Variants in NBEA observed in about 807,000 individuals in gnomAD.
NBEA encodes lysosomal-trafficking regulator 2.
Under a neutral mutation model 343.4 loss-of-function variants are expected in NBEA, and 44 were observed. The ratio of observed to expected loss-of-function variants is 0.13; its 90% CI spans 0.10 to 0.16. The LOEUF is 0.16. NBEA is among the 10% of genes least tolerant of loss of function. The pLI is 1.00. For missense variants in NBEA, 2,555 were observed against 3,631.3 expected, an observed-to-expected ratio of 0.70 and a Z score of 7.62; for synonymous variants, 1,175 against 1,238.7, an observed-to-expected ratio of 0.95 and a Z score of 1.08.
At position 35,051,839 on chromosome 13, in the gene NBEA, C is replaced by G. The variant is rs2152564182; in HGVS notation, c.972+1444C>G. ...GGATTGTGTGTTTTTAACAAATATTCTAGGTAACTTTTCTCTTCAGACAAT... is the reference window on the plus strand; with the variant it reads ...GGATTGTGTGTTTTTAACAAATATTGTAGGTAACTTTTCTCTTCAGACAAT... On this transcript the variant is annotated intron_variant, in intron 6 of 58. Coordinates refer to ENST00000379939, the MANE Select transcript of NBEA (RefSeq NM_001385012.1). 2.0e-5 allele frequency among the ~76,000 whole-genome samples: 3 copies of G among 152,074 alleles called. No homozygotes were observed. The South Asian group carries it at 6.2e-4, about 32-fold the overall frequency.
At chr13:35,062,718 T>A (rs2063510375) in intron 8 of NBEA, among the ~76,000 whole-genome samples, 1 of 151,924 alleles carries the variant, frequency 6.6e-6, no homozygotes, top group Non-Finnish European at 1.5e-5. Flanking sequence ...AAAAAAAATC[T>A]GTCAACCTAG....
At chr13:35,359,045 A>G (rs557945927) in intron 38 of NBEA, among the ~76,000 whole-genome samples, 3 of 152,312 alleles carry the variant, frequency 2.0e-5, no homozygotes, top group Admixed American at 2.0e-4. Flanking sequence ...CATGAGCCAG[A>G]TGATTTAAAG....
chr13:35,466,783 T>G (rs2075402416), intron 40 of NBEA, among the ~76,000 whole-genome samples: 1 of 152,178 alleles, frequency 6.6e-6, no homozygotes, highest in Non-Finnish European at 1.5e-5. Flanking sequence ...AAAAAAAGTT[T>G]GAAAATTTCA....
At chr13:35,464,671 T>G (rs1309466440) in intron 40 of NBEA, among the ~76,000 whole-genome samples, 1 of 152,224 alleles carries the variant, frequency 6.6e-6, no homozygotes, top group Non-Finnish European at 1.5e-5. Context: ...GAGTCTCATT[T>G]TCTTATCTGT....
At chr13:35,537,645 T>C (rs571689271) in intron 41 of NBEA, among the ~76,000 whole-genome samples, 1 of 151,948 alleles carries the variant, frequency 6.6e-6, no homozygotes, top group South Asian at 2.1e-4. Context: ...GTGGCAAAAA[T>C]AGAAGCAAAA....
chr13:35,284,371 T>G (rs780643147), intron 34 of NBEA, among the ~76,000 whole-genome samples: 9 of 152,188 alleles, frequency 5.9e-5, no homozygotes, highest in Non-Finnish European at 1.2e-4. Flanking sequence ...GGGTTTTTTT[T>G]GTTAAAATTT....
intron 44 of NBEA, among the ~76,000 whole-genome samples, chr13:35,558,419 A>C (rs2079687593): frequency 6.6e-6 from 1 of 152,184 alleles, no homozygotes; most frequent in African/African-American, 2.4e-5. Flanking sequence ...TGGGAATTGA[A>C]ATATGATTAA....
chr13:35,434,166 A>G (rs182982754), intron 39 of NBEA, among the ~76,000 whole-genome samples: 19 of 152,248 alleles, frequency 1.2e-4, no homozygotes, highest in Non-Finnish European at 2.9e-5. Flanking sequence ...ATTTCTAATA[A>G]ACCAGTGTCA....
intron 4 of NBEA, among the ~76,000 whole-genome samples, chr13:35,046,744 A>G (rs1281221638): frequency 6.6e-6 from 1 of 152,096 alleles, no homozygotes; most frequent in African/African-American, 2.4e-5. Flanking sequence ...CTCTCTCTCA[A>G]AATATCTTAA....
At chr13:35,326,193 A>G (rs941511260) in intron 36 of NBEA, among the ~76,000 whole-genome samples, 1 of 152,066 alleles carries the variant, frequency 6.6e-6, no homozygotes, top group African/African-American at 2.4e-5. Flanking sequence ...AAAAAATGAC[A>G]TTGGTAGTTT....
chr13:35,525,136 T>C lies in NBEA; in HGVS notation c.6586-25341T>C, dbSNP rs534012482. Among the ~76,000 whole-genome samples, 8 of 152,380 alleles carry C rather than the reference T, an allele frequency of 5.3e-5. No individual in the cohort carries two copies. The South Asian group carries it at 1.7e-3, about 32-fold the overall frequency. ...CTTGTTACTGTCAAAGGATATTAAA[T>C]GTAGTTGCTTAATATATTTACTTAC... is the stretch of plus-strand genomic sequence containing the variant. On this transcript the variant is annotated intron_variant, in intron 41 of 58. Transcript: ENST00000379939.
At chr13:35,045,465 T>A in intron 4 of NBEA, 64 bp downstream of exon 4, 1 of 1,243,454 alleles carries the variant, frequency 8.0e-7, no homozygotes. Context: ...TAGTAAGGTT[T>A]AACTTACATA....
chr13:35,190,286 T>C (rs1397534282), intron 30 of NBEA, among the ~76,000 whole-genome samples: 1 of 152,116 alleles, frequency 6.6e-6, no homozygotes, highest in Non-Finnish European at 1.5e-5. Flanking sequence ...GAACCTTGCC[T>C]AAAAGCTTAA....
intron 51 of NBEA, among the ~76,000 whole-genome samples, chr13:35,647,979 G>T (rs919745313): frequency 6.6e-6 from 1 of 151,912 alleles, no homozygotes; most frequent in Admixed American, 6.6e-5. Context: ...AGGCTCACAC[G>T]ATCTTTCTTC....
intron 36 of NBEA, among the ~76,000 whole-genome samples, chr13:35,329,852 A>G (rs2152847186): frequency 6.6e-6 from 1 of 151,766 alleles, no homozygotes; most frequent in African/African-American, 2.4e-5. Flanking sequence ...CATTACTTAT[A>G]AAGTTCAGGC....
At chr13:35,447,302 AAG>A (rs975315854) in intron 39 of NBEA, among the ~76,000 whole-genome samples, 1 of 152,158 alleles carries the variant, frequency 6.6e-6, no homozygotes, top group African/African-American at 2.4e-5. Flanking sequence ...CTATATCAAT[AAG>A]AGTAACAATA....
rs182515700 is a variant in NBEA, at chr13:35,356,482, A to G, written c.6179+4159A>G. 3.0e-3 allele frequency among the ~76,000 whole-genome samples: 462 copies of G among 152,294 alleles called. 3 individuals are homozygous for G. Among genetic ancestry groups the G allele is most frequent in the South Asian group, 0.019 (92 of 4,822 alleles). ...GTTTCTACTACAGAATGATGCTTTCAACTTGTAAATGCAAGAAAAATATGT... is the reference window on the plus strand; with the variant it reads ...GTTTCTACTACAGAATGATGCTTTCGACTTGTAAATGCAAGAAAAATATGT... On this transcript the variant is annotated intron_variant, in intron 38 of 58. Transcript: ENST00000379939.
At chr13:35,007,627 G>C (rs2061360723) in intron 1 of NBEA, among the ~76,000 whole-genome samples, 1 of 152,058 alleles carries the variant, frequency 6.6e-6, no homozygotes, top group African/African-American at 2.4e-5. Context: ...GAATAGCTGG[G>C]ACTACAGGTG....
chr13:35,230,323 C>T (rs1045667019), intron 33 of NBEA, among the ~76,000 whole-genome samples: 10 of 152,046 alleles, frequency 6.6e-5, no homozygotes, highest in East Asian at 3.9e-4. Context: ...TAAATCACAC[C>T]GAAATCTGTA....
Sources: gnomAD v4.1 joint callset for allele counts (sites outside exome capture counted in the v4.1 genomes callset) on GRCh38, gnomAD v4.1.1 for gene constraint, MANE v1.5 for transcripts, NCBI Gene and HGNC (gene_info 2026-07-23, HGNC 2026-07-21) for gene names.